Variants in ZNF407 observed in about 807,000 individuals in gnomAD.
The protein encoded by ZNF407 is zinc finger protein 407.
A neutral mutation model predicts 131.2 loss-of-function variants in ZNF407; 17 were observed. That is an observed-to-expected ratio of 0.13 (90% CI 0.09 to 0.19). The LOEUF is 0.19. Among genes scored for constraint, ZNF407 ranks in the 10% least tolerant of loss-of-function variants. The pLI is 1.00. For synonymous variants in ZNF407, 1,156 were observed against 1,062.0 expected (o/e 1.09, Z -1.72); for missense variants, 2,681 against 2,830.6 (o/e 0.95, Z 1.20).
chr18:74,806,542 TGATAA>T (rs1970112368), intron 4 of ZNF407, among the ~76,000 whole-genome samples: 2 of 152,154 alleles, frequency 1.3e-5, no homozygotes, highest in African/African-American at 4.8e-5. Flanking sequence ...AAAGCAGATA[TGATAA>T]GATGTGGACT....
intron 8 of ZNF407, among the ~76,000 whole-genome samples, chr18:74,939,667 G>C (rs576781979): frequency 6.6e-6 from 1 of 152,182 alleles, no homozygotes; most frequent in Non-Finnish European, 1.5e-5. Flanking sequence ...GAAGCCTATG[G>C]AGGAAAATTG....
intron 4 of ZNF407, 145 bp downstream of exon 4, chr18:74,781,647 T>G (rs1969605154): frequency 1.7e-6 from 1 of 590,526 alleles, no homozygotes; most frequent in Non-Finnish European, 2.7e-6. Context: ...ATATCATATT[T>G]TATGCCATCG....
chr18:74,739,381 A>T (rs1356426610), intron 3 of ZNF407, among the ~76,000 whole-genome samples: 1 of 151,986 alleles, frequency 6.6e-6, no homozygotes, highest in Non-Finnish European at 1.5e-5. Flanking sequence ...CAGGATCCAG[A>T]GCTAGAAAGA....
intron 8 of ZNF407, among the ~76,000 whole-genome samples, chr18:75,029,653 A>G (rs1248544010): frequency 1.3e-5 from 2 of 152,200 alleles, no homozygotes; most frequent in Non-Finnish European, 2.9e-5. Flanking sequence ...GTGCATGCGC[A>G]GGGCATGCGC....
intron 4 of ZNF407, among the ~76,000 whole-genome samples, chr18:74,867,097 CT>C (rs1971023099): frequency 1.3e-5 from 2 of 150,332 alleles, no homozygotes; most frequent in South Asian, 4.2e-4. Context: ...CATCCCTTAA[CT>C]AATGTCCCAA....
At chr18:74,979,340 G>A (rs554378284) in intron 8 of ZNF407, among the ~76,000 whole-genome samples, 45 of 152,286 alleles carry the variant, frequency 3.0e-4, no homozygotes, top group South Asian at 1.0e-3. Flanking sequence ...CGCCCAGGTC[G>A]GAGTGCAGTG....
At chr18:74,719,329 C>G (rs528405391) in intron 3 of ZNF407, among the ~76,000 whole-genome samples, 13 of 152,140 alleles carry the variant, frequency 8.5e-5, no homozygotes, top group Non-Finnish European at 1.3e-4. Context: ...CCTATTCCTC[C>G]CTTCCTCCTA....
intron 3 of ZNF407, among the ~76,000 whole-genome samples, chr18:74,758,083 G>A (rs1007875694): frequency 2.6e-5 from 4 of 152,000 alleles, no homozygotes; most frequent in African/African-American, 9.6e-5. Flanking sequence ...AATTTGTTTT[G>A]CCAGTCATTA....
chr18:74,779,111 T>A (rs8099051), intron 3 of ZNF407, among the ~76,000 whole-genome samples: 496 of 13,170 alleles, frequency 0.038, 4 homozygotes, highest in East Asian at 0.083. Context: ...ATATATATAT[T>A]TTTTTTTTTT....
intron 8 of ZNF407, among the ~76,000 whole-genome samples, chr18:74,984,590 A>G (rs1164557456): frequency 6.6e-6 from 1 of 152,216 alleles, no homozygotes; most frequent in Non-Finnish European, 1.5e-5. Flanking sequence ...TTACCTGCTC[A>G]ACATCCAATA....
chr18:74,972,016 C>T (rs1327024232), intron 8 of ZNF407, among the ~76,000 whole-genome samples: 1 of 152,110 alleles, frequency 6.6e-6, no homozygotes, highest in African/African-American at 2.4e-5. Flanking sequence ...CCTGATAAAC[C>T]CATCAGATCT....
intron 8 of ZNF407, among the ~76,000 whole-genome samples, chr18:75,008,915 A>G (rs975097787): frequency 7.2e-5 from 11 of 152,188 alleles, no homozygotes; most frequent in Admixed American, 3.3e-4. Flanking sequence ...TTGATTGACA[A>G]TGCCACCTTT....
intron 7 of ZNF407, among the ~76,000 whole-genome samples, chr18:74,890,849 T>C (rs1013599401): frequency 6.6e-6 from 1 of 152,052 alleles, no homozygotes; most frequent in Non-Finnish European, 1.5e-5. Flanking sequence ...TAAAAAATGG[T>C]CCAGTTATTT....
chr18:74,718,792 A>G (rs929775994), intron 3 of ZNF407, among the ~76,000 whole-genome samples: 1 of 152,192 alleles, frequency 6.6e-6, no homozygotes, highest in African/African-American at 2.4e-5. Context: ...TAGCTTTTTA[A>G]GACTCTTAAG....
intron 3 of ZNF407, among the ~76,000 whole-genome samples, chr18:74,732,065 A>G (rs1968307091): frequency 6.6e-6 from 1 of 152,200 alleles, no homozygotes; most frequent in South Asian, 2.1e-4. Flanking sequence ...GTTTTCAGTT[A>G]TATCAGAACA....
intron 8 of ZNF407, among the ~76,000 whole-genome samples, chr18:75,042,508 G>T (rs527934767): frequency 1.1e-4 from 17 of 152,122 alleles, no homozygotes; most frequent in African/African-American, 3.4e-4. Context: ...ACTGAATTTA[G>T]GAGTGCTCCA....
intron 3 of ZNF407, among the ~76,000 whole-genome samples, chr18:74,671,392 A>C (rs538347701): frequency 3.3e-5 from 5 of 151,990 alleles, no homozygotes; most frequent in African/African-American, 1.2e-4. Flanking sequence ...TACGGGGTAC[A>C]TGTGAAGGTG....
intron 3 of ZNF407, among the ~76,000 whole-genome samples, chr18:74,764,930 T>C (rs1413108700): frequency 6.6e-6 from 1 of 152,190 alleles, no homozygotes; most frequent in Non-Finnish European, 1.5e-5. Context: ...ATAAAAGTCT[T>C]CATTCTCATT....
chr18:74,633,132 T>A lies in ZNF407; in HGVS notation c.2113T>A (p.Phe705Ile). The A allele has an allele frequency of 6.2e-7, 1 of 1,613,278 alleles. No individual in the cohort carries two copies. The highest frequency in any genetic ancestry group is 8.5e-7 in the Non-Finnish European group (1 of 1,179,726). Reference protein sequence around the residue: ...NEVRHSSKPQFQCKKCFYKTR... With the variant: ...NEVRHSSKPQIQCKKCFYKTR... ...AGTGAGGCATTCCAGTAAGCCTCAGTTTCAGTGTAAGAAGTGTTTTTATAA... is the reference window on the plus strand; with the variant it reads ...AGTGAGGCATTCCAGTAAGCCTCAGATTCAGTGTAAGAAGTGTTTTTATAA... Residue 705 changes from phenylalanine to isoleucine, a missense_variant, in exon 2 of 9, where the codon TTT becomes ATT. By Grantham distance (21) the Phe-to-Ile change is conservative. Transcript: ENST00000299687.
Sources: allele counts gnomAD v4.1 joint callset (sites outside exome capture counted in the v4.1 genomes callset), GRCh38; gene constraint gnomAD v4.1.1; transcripts MANE v1.5; gene names NCBI Gene and HGNC (gene_info 2026-07-23, HGNC 2026-07-21).